The following DLGAP1 variants were observed in gnomAD, a reference collection of about 807,000 sequenced individuals.
The protein encoded by DLGAP1 is DLG associated protein 1.
DLGAP1 carries 11 observed loss-of-function variants against 90.8 expected under a neutral mutation model. The ratio of observed to expected loss-of-function variants is 0.12; its 90% CI spans 0.08 to 0.20. The LOEUF (loss-of-function observed/expected upper bound fraction) is 0.20, where lower values mean the gene tolerates loss of function less well. DLGAP1 is among the 10% of genes least tolerant of loss of function. The pLI is 1.00. For missense variants in DLGAP1, 1,050 were observed against 1,333.8 expected (o/e 0.79, Z 3.31); for synonymous variants, 558 against 540.7 (o/e 1.03, Z -0.44).
intron 4 of DLGAP1, among the ~76,000 whole-genome samples, chr18:3,847,913 AAGCTG>A (rs1453500252): frequency 6.6e-6 from 1 of 152,062 alleles, no homozygotes; most frequent in Non-Finnish European, 1.5e-5. Context: ...ACATTTTGGG[AAGCTG>A]AGATGTTTGA....
At chr18:4,011,451 C>T (rs2149095938) in intron 2 of DLGAP1, among the ~76,000 whole-genome samples, 1 of 152,090 alleles carries the variant, frequency 6.6e-6, no homozygotes, top group African/African-American at 2.4e-5. Context: ...CCTACAGGGG[C>T]AGCAATAAAT....
At chr18:3,550,756 T>C (rs1398001693) in intron 9 of DLGAP1, among the ~76,000 whole-genome samples, 1 of 145,004 alleles carries the variant, frequency 6.9e-6, no homozygotes, top group East Asian at 2.0e-4. Context: ...TTTTTTTTTT[T>C]TGTAAGACAG....
chr18:3,871,304 G>T (rs577511913), intron 4 of DLGAP1, among the ~76,000 whole-genome samples: 1 of 152,156 alleles, frequency 6.6e-6, no homozygotes. Flanking sequence ...TACAATGTCC[G>T]CATTGCAGGG....
chr18:3,703,182 G>T (rs913955473), intron 7 of DLGAP1, among the ~76,000 whole-genome samples: 5 of 152,166 alleles, frequency 3.3e-5, no homozygotes, highest in Non-Finnish European at 7.3e-5. Flanking sequence ...TTGAAGTGGT[G>T]TCAAGATTGT....
chr18:3,551,074 A>G (rs2053378511), intron 9 of DLGAP1, among the ~76,000 whole-genome samples: 1 of 151,278 alleles, frequency 6.6e-6, no homozygotes, highest in African/African-American at 2.4e-5. Context: ...TAGCCTCCAA[A>G]CTGGGAGAAA....
chr18:3,699,561 T>C (rs2061209412), intron 7 of DLGAP1, among the ~76,000 whole-genome samples: 1 of 152,046 alleles, frequency 6.6e-6, no homozygotes. Context: ...CTCCTGTATG[T>C]GGTGTCTGTT....
At chr18:4,364,524 G>A (rs12709600) in intron 1 of DLGAP1, among the ~76,000 whole-genome samples, 14,503 of 151,944 alleles carry the variant, frequency 0.095, 715 homozygotes, top group African/African-American at 0.13. Context: ...AAACAGTAAT[G>A]GCAATAAAAC....
chr18:4,274,612 G>C (rs1271777718), intron 1 of DLGAP1, among the ~76,000 whole-genome samples: 2 of 152,110 alleles, frequency 1.3e-5, no homozygotes, highest in Admixed American at 6.5e-5. Context: ...TGTCAATACA[G>C]GTAGATAGGC....
At chr18:4,044,288 G>A (rs972041484) in intron 2 of DLGAP1, among the ~76,000 whole-genome samples, 2 of 152,122 alleles carry the variant, frequency 1.3e-5, no homozygotes, top group Non-Finnish European at 2.9e-5. Context: ...TCTAAATGCT[G>A]TTTATGGCTT....
intron 8 of DLGAP1, chr18:3,580,765 G>A: frequency 6.2e-7 from 1 of 1,612,482 alleles, no homozygotes; most frequent in Non-Finnish European, 8.5e-7. Flanking sequence ...TGTGACCGGA[G>A]ACTTTGCAGT....
At chr18:4,380,268 T>C (rs1444065392) in intron 1 of DLGAP1, among the ~76,000 whole-genome samples, 2 of 152,198 alleles carry the variant, frequency 1.3e-5, no homozygotes, top group African/African-American at 4.8e-5. Context: ...AAAATTATTC[T>C]TGTTACAGTT....
intron 2 of DLGAP1, among the ~76,000 whole-genome samples, chr18:4,122,840 T>C (rs2076174543): frequency 6.6e-6 from 1 of 152,148 alleles, no homozygotes; most frequent in African/African-American, 2.4e-5. Context: ...TCAGGATCCT[T>C]GCCAAAGAGC....
chr18:3,845,411 T>C, intron 4 of DLGAP1: 2 of 1,385,206 alleles, frequency 1.4e-6, no homozygotes, highest in South Asian at 3.8e-5. Flanking sequence ...GAGTGGTTGG[T>C]CATGGCTCAC....
At chr18:4,224,823 T>C (rs968772392) in intron 1 of DLGAP1, among the ~76,000 whole-genome samples, 1 of 152,060 alleles carries the variant, frequency 6.6e-6, no homozygotes, top group African/African-American at 2.4e-5. Flanking sequence ...CACCTGCAGA[T>C]TGTAGAGCCC....
chr18:3,843,589 T>C (rs760211815), intron 4 of DLGAP1, among the ~76,000 whole-genome samples: 6 of 152,114 alleles, frequency 3.9e-5, no homozygotes, highest in Non-Finnish European at 7.4e-5. Context: ...AGCATAACAG[T>C]GCACGGGGCA....
intron 3 of DLGAP1, among the ~76,000 whole-genome samples, chr18:3,885,638 A>T (rs1196396562): frequency 1.3e-5 from 2 of 152,236 alleles, no homozygotes; most frequent in African/African-American, 4.8e-5. Flanking sequence ...GCATGTCTTC[A>T]TGAGGGTTTC....
At chr18:4,412,643 T>C (rs1251787070) in intron 1 of DLGAP1, among the ~76,000 whole-genome samples, 1 of 152,192 alleles carries the variant, frequency 6.6e-6, no homozygotes, top group Non-Finnish European at 1.5e-5. Flanking sequence ...ACCTGTTATA[T>C]AGGATTTAAC....
chr18:4,189,571 C>T (rs1432159690), intron 1 of DLGAP1, among the ~76,000 whole-genome samples: 2 of 152,010 alleles, frequency 1.3e-5, no homozygotes, highest in African/African-American at 4.8e-5. Context: ...AATGCAATCC[C>T]AATCAAAATC....
chr18:4,269,354 A>ATATATATTTTTT (rs1247401948), intron 1 of DLGAP1, among the ~76,000 whole-genome samples: 1 of 132,124 alleles, frequency 7.6e-6, no homozygotes, highest in South Asian at 2.4e-4. Context: ...ATATATATAT[A>ATATATATTTTTT]TTTTTTTTTT....
Sources: gnomAD v4.1 joint callset for allele counts (sites outside exome capture counted in the v4.1 genomes callset) on GRCh38, gnomAD v4.1.1 for gene constraint, MANE v1.5 for transcripts, NCBI Gene and HGNC (gene_info 2026-07-23, HGNC 2026-07-21) for gene names.